IFFO1: variants seen among roughly 807,000 people sequenced by gnomAD.
IFFO1 encodes non-homologous end joining factor IFFO1.
Under a neutral mutation model 59.6 loss-of-function variants are expected in IFFO1, and 42 were observed. The observed-to-expected ratio is 0.70, with a 90% confidence interval of 0.55 to 0.91. The LOEUF (loss-of-function observed/expected upper bound fraction) is 0.91. IFFO1 is among the 40% of genes least tolerant of loss of function. The probability of loss-of-function intolerance (pLI) is 0.00; values close to 1 mark genes in which losing one functional copy is unlikely to be tolerated. For synonymous variants in IFFO1, 336 were observed against 342.8 expected (o/e 0.98, Z 0.22); for missense variants, 711 against 793.2 (o/e 0.90, Z 1.24).
chr12:6,553,531 C>T (rs1209829271), intron 1 of IFFO1, among the ~76,000 whole-genome samples: 1 of 151,808 alleles, frequency 6.6e-6, no homozygotes, highest in Non-Finnish European at 1.5e-5. Context: ...GAAGCCAGCA[C>T]GAGGACAGGA....
intron 2 of IFFO1, 31 bp from the exon 3 acceptor site, chr12:6,550,821 G>A: frequency 6.2e-7 from 1 of 1,607,424 alleles, no homozygotes; most frequent in South Asian, 1.1e-5. Context: ...GATGTTGGTG[G>A]CACTGCCGAG....
Position 6,550,720 on chromosome 12 carries a change from AC to A in IFFO1, c.904del (p.Val302TrpfsTer7). On this transcript the variant is annotated frameshift_variant, in exon 3 of 10. Coordinates refer to ENST00000619571, the MANE Select transcript of IFFO1 (RefSeq NM_001193457.2). LOFTEE classifies it high-confidence loss of function. The part of the protein sequence containing the change: ...LKVEQLKAEL[V>X]VFKGLMSNNL... ...GTTACTCATGAGCCCCTTGAAGACC[AC>A]CAGCTCAGCCTTCAACTGTTCCACC... 6.2e-7 allele frequency: 1 copy of A among 1,614,094 alleles called. No individual in the cohort carries two copies. Among genetic ancestry groups the A allele is most frequent in the Non-Finnish European group, 8.5e-7 (1 of 1,179,928 alleles).
chr12:6,551,423 C>A, intron 1 of IFFO1: 1 of 1,299,010 alleles, frequency 7.7e-7, no homozygotes, highest in Non-Finnish European at 1.0e-6. Context: ...TCCGGGCTCC[C>A]GCCTCCTGCC....
rs574517499 is a variant in IFFO1, at chr12:6,548,812, C to T, written c.1118G>A (p.Gly373Glu). The T allele has an allele frequency of 1.9e-6, 3 of 1,613,120 alleles. No homozygotes were observed. Among genetic ancestry groups the T allele is most frequent in the Non-Finnish European group, 2.5e-6 (3 of 1,179,690 alleles). ...AGCCTTGCGCTCCCGCTTCCGCCCC[C>T]CCATGGATGGGACCTTAATGGGAGA... The part of the protein sequence containing the change: ...HLSPIKVPSM[G>E]GRKRERKAAV... The change falls in exon 6 of 10, where the codon GGG becomes GAG. Residue 373 changes from glycine to glutamate, a missense_variant. Coordinates refer to ENST00000619571, the MANE Select transcript of IFFO1 (RefSeq NM_001193457.2). The surrounding 1 kb of genome is among the most constrained non-coding windows in gnomAD (Gnocchi z 6.1).
In IFFO1 at chr12:6,549,885, C is replaced by G. The variant is rs200679209; in HGVS notation, c.942G>C (p.Glu314Asp). The change falls in exon 4 of 10, where the codon GAG (glutamate) becomes GAC (aspartate). Residue 314 changes from glutamate (E) to aspartate (D), a missense_variant. Glu to Asp is a conservative substitution (Grantham distance 45, BLOSUM62 2). Around this residue, in one of 3 missense-constraint regions of IFFO1, gnomAD observed 579 missense variants for 650.3 expected, o/e 0.89. Coordinates refer to ENST00000619571, the MANE Select transcript of IFFO1 (RefSeq NM_001193457.2). This position sits in a 1 kb window ranked among gnomAD's most constrained non-coding sequence, Gnocchi z 5.0. ...FKGLMSNNLSELDTKIQEKAM... is the reference protein window; with the variant it reads ...FKGLMSNNLSDLDTKIQEKAM... ...CTTTCTCCTGGATCTTGGTGTCCAG[C>G]TCCGACAGGTTCTGTCCAGGGAGCC... The G allele has an allele frequency of 2.0e-5, 33 of 1,613,808 alleles. No individual in the cohort carries two copies. Among genetic ancestry groups the G allele is most frequent in the African/African-American group, 2.7e-5 (2 of 75,068 alleles).
chr12:6,541,556 C>T lies in IFFO1; in HGVS notation c.1566G>A (p.Val522=), dbSNP rs767328836. 8 of 1,614,176 alleles carry T rather than the reference C, an allele frequency of 5.0e-6. No homozygotes were observed. In the East Asian group the frequency reaches 1.6e-4, roughly 31 times the overall value. ...EMCSMKRGLD[V]QMETCRRLIT... is the part of the protein sequence containing the mutation. The stretch of plus-strand genomic sequence containing the variant: ...TGAGCCGGCGGCAGGTCTCCATCTG[C>T]ACGTCCAGGCCGCGCTTCATGCTGC... The change falls in exon 9 of 10, where the codon GTG becomes GTA. Residue 522 remains valine (V), a synonymous_variant. Transcript: ENST00000619571. The surrounding 1 kb of genome is among the most constrained non-coding windows in gnomAD (Gnocchi z 4.8).
At chr12:6,545,168 T>A (rs1001934583) in intron 8 of IFFO1, among the ~76,000 whole-genome samples, 4 of 151,654 alleles carry the variant, frequency 2.6e-5, no homozygotes, top group Admixed American at 2.6e-4. Context: ...TGAGCTGAGA[T>A]CGCGCCACTG....
At chr12:6,544,398 A>T (rs372842782) in intron 8 of IFFO1, among the ~76,000 whole-genome samples, 1 of 152,092 alleles carries the variant, frequency 6.6e-6, no homozygotes, top group East Asian at 1.9e-4. Flanking sequence ...CACACTCCTG[A>T]CCTCAAGTGA....
At chr12:6,545,424 G>A (rs928246785) in intron 8 of IFFO1, among the ~76,000 whole-genome samples, 10 of 151,936 alleles carry the variant, frequency 6.6e-5, no homozygotes, top group Non-Finnish European at 1.2e-4. Flanking sequence ...TGCCGGGCGC[G>A]GTGGCTCACG....
Position 6,548,599 on chromosome 12 carries a change from G to T in IFFO1, c.1263-54C>A. The T allele has an allele frequency of 6.2e-7, 1 of 1,613,632 alleles. No individual in the cohort carries two copies. Among genetic ancestry groups the T allele is most frequent in the Non-Finnish European group, 8.5e-7 (1 of 1,179,724 alleles). On this transcript the variant is annotated intron_variant, in intron 6 of 9. Transcript: ENST00000619571. This position sits in a 1 kb window ranked among gnomAD's most constrained non-coding sequence, Gnocchi z 6.1. ...CGGGCGGGGCCTCGTCCTGGCGGGGGACTGGGGAGCTCCGGCCTCCTGGGC... is the reference window on the plus strand; with the variant it reads ...CGGGCGGGGCCTCGTCCTGGCGGGGTACTGGGGAGCTCCGGCCTCCTGGGC...
rs1946715284 is a variant in IFFO1, at chr12:6,541,590, A to G, written c.1532T>C (p.Met511Thr). ...NDMNRHLHEY[M>T]EMCSMKRGLD... ...GCCGCGCTTCATGCTGCACATCTCCATGTACTCGTGCAGGTGCCGGTTCAT... is the reference window on the plus strand; with the variant it reads ...GCCGCGCTTCATGCTGCACATCTCCGTGTACTCGTGCAGGTGCCGGTTCAT... The change falls in exon 9 of 10, where the codon ATG (methionine) becomes ACG (threonine). Residue 511 changes from methionine to threonine, a missense_variant. Physicochemically the swap from Met to Thr is moderately conservative, Grantham distance 81. This residue lies in a region of IFFO1 where 579 missense variants were observed against 650.3 expected (regional missense o/e 0.89). Coordinates refer to ENST00000619571, the MANE Select transcript of IFFO1 (RefSeq NM_001193457.2). The surrounding 1 kb of genome is among the most constrained non-coding windows in gnomAD (Gnocchi z 4.8). The G allele has an allele frequency of 3.1e-6, 5 of 1,614,126 alleles. No individual in the cohort carries two copies. The highest frequency in any genetic ancestry group is 4.2e-6 in the Non-Finnish European group (5 of 1,180,004).
chr12:6,549,012 G>A lies in IFFO1; in HGVS notation c.1081-163C>T, dbSNP rs1947110051. 1 of 642,710 alleles carries A rather than the reference G, an allele frequency of 1.6e-6. No homozygotes were observed. The allele number at this position is 642,710 out of a possible 1,614,324, so 39.8% of individuals were successfully genotyped here. On this transcript the variant is annotated intron_variant, in intron 5 of 9. Transcript: ENST00000619571. The surrounding 1 kb of genome is among the most constrained non-coding windows in gnomAD (Gnocchi z 5.0). ...GAACAGAAACACGGACAGTCACCAAGGGCCAGACACACAGCGGGGGTCAGG... is the reference window on the plus strand; with the variant it reads ...GAACAGAAACACGGACAGTCACCAAAGGCCAGACACACAGCGGGGGTCAGG...
Sources: gnomAD v4.1 joint callset for allele counts (sites outside exome capture counted in the v4.1 genomes callset) on GRCh38, gnomAD v4.1.1 for gene constraint, gnomAD v4.1.1 regional missense constraint, Gnocchi (gnomAD v3.1) non-coding constraint, MANE v1.5 for transcripts, NCBI Gene and HGNC (gene_info 2026-07-23, HGNC 2026-07-21) for gene names.